The following FAAP20 variants were observed in gnomAD, a reference collection of about 807,000 sequenced individuals.
FAAP20 encodes the protein FA core complex associated protein 20.
Under a neutral mutation model 16.2 loss-of-function variants are expected in FAAP20, and 12 were observed. The ratio of observed to expected loss-of-function variants is 0.74; its 90% CI spans 0.48 to 1.20. The LOEUF (loss-of-function observed/expected upper bound fraction) is 1.20, where lower values mean the gene tolerates loss of function less well. FAAP20 is among the 50% of genes most tolerant of loss of function. The pLI, the probability that FAAP20 is intolerant of heterozygous loss-of-function variation, is 0.00. For synonymous variants in FAAP20, 141 were observed against 110.7 expected, an observed-to-expected ratio of 1.27 and a Z score of -1.72; for missense variants, 288 against 245.8, an observed-to-expected ratio of 1.17 and a Z score of -1.15.
downstream of FAAP20, among the ~76,000 whole-genome samples, chr1:2,209,333 C>A (rs566057104): frequency 2.7e-4 from 41 of 152,342 alleles, no homozygotes; most frequent in Middle Eastern, 6.8e-3. Context: ...CTCGACTTAC[C>A]CTCGTCTATT....
At chr1:2,199,080 CT>C, upstream of FAAP20, 1 of 1,194,276 alleles carries the variant, frequency 8.4e-7, no homozygotes, top group African/African-American at 1.6e-5. This position sits in a 1 kb window ranked among gnomAD's most constrained non-coding sequence, Gnocchi z 4.5. Flanking sequence ...AGGCCTGCCC[CT>C]GACCCCAAGA....
downstream of FAAP20, chr1:2,186,057 G>T: frequency 2.2e-6 from 1 of 453,624 alleles, no homozygotes; most frequent in Non-Finnish European, 4.4e-6. Context: ...AGGCAGGGCT[G>T]CCAGCTGCCA....
At chr1:2,211,429 ATATATATTTTTTTTTTT>A (rs1438399911), downstream of FAAP20, among the ~76,000 whole-genome samples, 3 of 18,866 alleles carry the variant, frequency 1.6e-4, no homozygotes, top group African/African-American at 4.1e-4. Flanking sequence ...ATATATATAT[ATATATATTTTTTTTTTT>A]TTTTTTTTTT....
chr1:2,189,716 G>GT lies in FAAP20; in HGVS notation c.535dup (p.Thr179AsnfsTer?). On this transcript the variant is annotated frameshift_variant, in exon 4 of 4. Coordinates refer to ENST00000378546, the MANE Select transcript of FAAP20 (RefSeq NM_182533.4). LOFTEE classifies it high-confidence loss of function. ...AGGGCTCTTGGATGGCGCTCACCACGTCACGTCTTCTGTGCTTTCGGCCAA... is the reference window on the plus strand; with the variant it reads ...AGGGCTCTTGGATGGCGCTCACCACGTTCACGTCTTCTGTGCTTTCGGCCAA... 1.2e-6 allele frequency: 2 copies of GT among 1,612,768 alleles called. No individual in the cohort carries two copies. Among genetic ancestry groups the GT allele is most frequent in the South Asian group, 2.2e-5 (2 of 91,072 alleles).
chr1:2,208,469 CAA>C (rs902479295), downstream of FAAP20, among the ~76,000 whole-genome samples: 12 of 152,308 alleles, frequency 7.9e-5, no homozygotes, highest in Non-Finnish European at 1.3e-4. Flanking sequence ...CTCATGGCGA[CAA>C]GAGCCCGCAG....
chr1:2,198,638 G>A (rs1054424701), upstream of FAAP20: 12 of 1,198,148 alleles, frequency 1.0e-5, no homozygotes, highest in Non-Finnish European at 1.2e-5. Flanking sequence ...ATTTCCAAAT[G>A]AGACCTGTGG....
At chr1:2,199,648 G>A (rs1688968451), upstream of FAAP20, 7 of 985,312 alleles carry the variant, frequency 7.1e-6, no homozygotes, top group South Asian at 4.7e-5. The surrounding 1 kb of genome is among the most constrained non-coding windows in gnomAD (Gnocchi z 4.5). Flanking sequence ...CAGCGTCTCC[G>A]AAGACTCATG....
downstream of FAAP20, among the ~76,000 whole-genome samples, chr1:2,211,226 C>CTTTTTTTTTTTTT (rs56294751): frequency 4.0e-5 from 4 of 101,140 alleles, no homozygotes; most frequent in Non-Finnish European, 5.6e-5. Flanking sequence ...TTCTTTCTTT[C>CTTTTTTTTTTTTT]TTTTTTTTTT....
At chr1:2,199,032 A>G (rs916172672), upstream of FAAP20, 2 of 1,242,096 alleles carry the variant, frequency 1.6e-6, no homozygotes, top group Admixed American at 2.5e-5. This position sits in a 1 kb window ranked among gnomAD's most constrained non-coding sequence, Gnocchi z 4.5. Context: ...TTGGGCACCG[A>G]CAGCCTCCTC....
chr1:2,189,011 GAAAAAAA>G (rs71578368), downstream of FAAP20, among the ~76,000 whole-genome samples: 5 of 105,914 alleles, frequency 4.7e-5, no homozygotes, highest in Non-Finnish European at 9.8e-5. Context: ...TCTCAAAAAA[GAAAAAAA>G]AAAAAAAAAA....
chr1:2,190,200 T>C (rs1320781957), intron 3 of FAAP20: 1 of 465,246 alleles, frequency 2.1e-6, no homozygotes, highest in Admixed American at 2.3e-5. Context: ...AGAGTAAACA[T>C]GGCTGGGCAG....
At chr1:2,202,508 A>G (rs945365226), upstream of FAAP20, among the ~76,000 whole-genome samples, 3 of 152,104 alleles carry the variant, frequency 2.0e-5, no homozygotes, top group Non-Finnish European at 1.5e-5. Flanking sequence ...CTGTTACCCA[A>G]GCTGGAGTCT....
intron 3 of FAAP20, chr1:2,190,326 C>T: frequency 2.2e-6 from 1 of 456,386 alleles, no homozygotes. Context: ...CTCTGGGAGG[C>T]CCCACGCGGC....
chr1:2,208,419 C>A (rs1051718195), downstream of FAAP20, among the ~76,000 whole-genome samples: 3 of 152,224 alleles, frequency 2.0e-5, no homozygotes, highest in Non-Finnish European at 4.4e-5. Flanking sequence ...GTTAACTTCT[C>A]CCCTGCAGTT....
chr1:2,189,028 AC>A (rs1300038880), downstream of FAAP20, among the ~76,000 whole-genome samples: 40 of 143,866 alleles, frequency 2.8e-4, no homozygotes, highest in African/African-American at 9.3e-4. Flanking sequence ...AAAAAAAAAA[AC>A]AAAAAGAACG....
downstream of FAAP20, chr1:2,184,764 T>C: frequency 6.7e-7 from 1 of 1,498,848 alleles, no homozygotes; most frequent in East Asian, 2.4e-5. Flanking sequence ...GCCGGCACCT[T>C]GGGCAGCTGG....
At chr1:2,211,929 G>T (rs1308039912), downstream of FAAP20, among the ~76,000 whole-genome samples, 4 of 130,618 alleles carry the variant, frequency 3.1e-5, no homozygotes, top group Non-Finnish European at 4.7e-5. Context: ...TTGAGACGGA[G>T]TCTTGCTTTG....
At chr1:2,196,900 G>A (rs1456238745), upstream of FAAP20, among the ~76,000 whole-genome samples, 1 of 152,098 alleles carries the variant, frequency 6.6e-6, no homozygotes, top group Admixed American at 6.5e-5. The surrounding 1 kb of genome is among the most constrained non-coding windows in gnomAD (Gnocchi z 4.5). Context: ...TCAGCTCTCT[G>A]TGCCGTGCTG....
At chr1:2,198,707 T>C (rs1401964991), upstream of FAAP20, 2 of 1,259,442 alleles carry the variant, frequency 1.6e-6, no homozygotes, top group Non-Finnish European at 2.1e-6. Flanking sequence ...CCTTCCCATG[T>C]GGCTAAATGG....
Sources: gnomAD v4.1 joint callset for allele counts (sites outside exome capture counted in the v4.1 genomes callset) on GRCh38, gnomAD v4.1.1 for gene constraint, Gnocchi (gnomAD v3.1) non-coding constraint, MANE v1.5 for transcripts, NCBI Gene and HGNC (gene_info 2026-07-23, HGNC 2026-07-21) for gene names.